Variants in ADAM2 observed in about 807,000 individuals in gnomAD.
ADAM2 encodes ADAM metallopeptidase domain 2.
A neutral mutation model predicts 99.3 loss-of-function variants in ADAM2; 101 were observed. The observed-to-expected ratio is 1.02, with a 90% CI of 0.87 to 1.20. The LOEUF (loss-of-function observed/expected upper bound fraction) is 1.20. Ranked by LOEUF, ADAM2 falls within the 50% of genes most tolerant of loss-of-function variation. The probability of loss-of-function intolerance (pLI) is 0.00; values close to 1 mark genes in which losing one functional copy is unlikely to be tolerated. For synonymous variants in ADAM2, 323 were observed against 287.6 expected, an observed-to-expected ratio of 1.12 and a Z score of -1.25; for missense variants, 948 against 878.7, an observed-to-expected ratio of 1.08 and a Z score of -1.00.
intron 7 of ADAM2, among the ~76,000 whole-genome samples, chr8:39,800,475 A>G (rs927393499): frequency 3.3e-5 from 5 of 151,902 alleles, no homozygotes; most frequent in African/African-American, 1.2e-4. Context: ...CTTCATTTCA[A>G]CCTTGGAGAA....
intron 6 of ADAM2, among the ~76,000 whole-genome samples, chr8:39,817,472 G>T (rs1334385141): frequency 6.6e-6 from 1 of 152,058 alleles, no homozygotes; most frequent in Non-Finnish European, 1.5e-5. Flanking sequence ...TTTTCAAGTA[G>T]CTTAAAGAGG....
chr8:39,775,574 C>G (rs1802954705), intron 11 of ADAM2, among the ~76,000 whole-genome samples: 1 of 152,058 alleles, frequency 6.6e-6, no homozygotes, highest in Non-Finnish European at 1.5e-5. Flanking sequence ...TAATAGGACT[C>G]TATATGAAAC....
Position 39,837,166 on chromosome 8 carries a change from C to T in ADAM2, c.102G>A (p.Arg34=), listed in dbSNP as rs1805860873. The change falls in exon 2 of 21, where the codon CGG becomes CGA. Residue 34 remains arginine, a synonymous_variant. Transcript: ENST00000265708. ...ATTCAATTCCTTCCTTTATTATTGA[C>T]CGTATTTTCTCCGGAACTGTAATTT... ...PVQITVPEKI[R]SIIKEGIESQ... The T allele has an allele frequency of 1.2e-6, 2 of 1,608,800 alleles. No homozygotes were observed. The highest frequency in any genetic ancestry group is 8.5e-7 in the Non-Finnish European group (1 of 1,176,666).
At chr8:39,815,219 A>G (rs536915517) in intron 6 of ADAM2, among the ~76,000 whole-genome samples, 110 of 152,248 alleles carry the variant, frequency 7.2e-4, no homozygotes, top group Non-Finnish European at 1.3e-3. Flanking sequence ...TATATAATAG[A>G]TTCTATTTTA....
chr8:39,800,843 G>T (rs899375758), intron 7 of ADAM2, among the ~76,000 whole-genome samples: 3 of 152,014 alleles, frequency 2.0e-5, no homozygotes, highest in African/African-American at 7.2e-5. Context: ...TATGCTTCAC[G>T]AAGTTCTCGT....
At position 39,821,092 on chromosome 8, in the gene ADAM2, G is replaced by T. The variant is rs917035776; in HGVS notation, c.423C>A (p.Tyr141Ter). Residue 141 changes from tyrosine (Y) to a stop codon, truncating the protein, a stop_gained, in exon 6 of 21, where the codon TAC (tyrosine) becomes TAA (stop). Coordinates refer to ENST00000265708, the MANE Select transcript of ADAM2 (RefSeq NM_001464.5). LOFTEE classifies it high-confidence loss of function. ...ESSVGFEHVI[Y>*]QVKHKKADVS... ...CATCTGCTTTCTTATGTTTTACTTG[G>T]TAAATTACATGTTCAAAGCCAACTG... is the stretch of plus-strand genomic sequence containing the variant. 3.7e-6 allele frequency: 6 copies of T among 1,609,166 alleles called. No homozygotes were observed. The East Asian group carries it at 6.7e-5, about 18-fold the overall frequency.
chr8:39,766,912 T>C lies in ADAM2; in HGVS notation c.1443A>G (p.Gln481=), dbSNP rs752080934. 8.1e-6 allele frequency: 13 copies of C among 1,614,182 alleles called. No individual in the cohort carries two copies. Among genetic ancestry groups the C allele is most frequent in the Middle Eastern group, 1.6e-4 (1 of 6,062 alleles). ...TACAAACTCCATCTATACAGATCCA[T>C]TGATTCAGTCCACACGGATGCCCAG... ...VQTGHPCGLN[Q]WICIDGVCMS... is the part of the protein sequence containing the mutation. The change falls in exon 14 of 21, where the codon CAA becomes CAG. Residue 481 remains glutamine, a synonymous_variant. Transcript: ENST00000265708.
At chr8:39,761,657 A>C (rs1802374693) in intron 14 of ADAM2, among the ~76,000 whole-genome samples, 1 of 152,242 alleles carries the variant, frequency 6.6e-6, no homozygotes, top group Non-Finnish European at 1.5e-5. Flanking sequence ...CAAGTCAAAC[A>C]ACTAACCAAT....
intron 10 of ADAM2, among the ~76,000 whole-genome samples, chr8:39,784,364 C>T (rs1262785289): frequency 6.6e-6 from 1 of 151,994 alleles, no homozygotes; most frequent in Non-Finnish European, 1.5e-5. Flanking sequence ...TGGAAGCTAG[C>T]GTGCCTCTAA....
chr8:39,823,904 C>T (rs1037166060), intron 4 of ADAM2, among the ~76,000 whole-genome samples: 3 of 152,118 alleles, frequency 2.0e-5, no homozygotes, highest in African/African-American at 7.2e-5. Flanking sequence ...ACTTTCAAAA[C>T]ACTTGATTGA....
At chr8:39,806,325 T>C (rs965671500) in intron 7 of ADAM2, among the ~76,000 whole-genome samples, 23 of 151,920 alleles carry the variant, frequency 1.5e-4, no homozygotes, top group Non-Finnish European at 2.8e-4. Flanking sequence ...TCTTCAGAAT[T>C]GCTCCAGCAA....
chr8:39,797,242 G>A (rs1052950689), intron 7 of ADAM2, among the ~76,000 whole-genome samples: 2 of 152,136 alleles, frequency 1.3e-5, no homozygotes, highest in African/African-American at 2.4e-5. Context: ...GTAAGGAAGG[G>A]GTCCAGTTTC....
At chr8:39,783,805 A>T (rs1360610595) in intron 10 of ADAM2, among the ~76,000 whole-genome samples, 1 of 152,076 alleles carries the variant, frequency 6.6e-6, no homozygotes, top group Non-Finnish European at 1.5e-5. Flanking sequence ...ACAAACAATT[A>T]GCCAGGCATG....
In ADAM2 at chr8:39,744,997, A is replaced by G; in HGVS notation, c.2175-104T>C. The G allele has an allele frequency of 3.5e-6, 3 of 849,900 alleles. No homozygotes were observed. In the South Asian group the frequency reaches 5.4e-5, roughly 15 times the overall value. The allele number at this position is 849,900 out of a possible 1,614,324, so 52.6% of individuals were successfully genotyped here. A position where few individuals can be genotyped will look rare whatever the true frequency, so the allele number is the denominator to read the frequency against. ...AAACAGTTCTGAATTTTTACCTAAGAACTGGGTTCACCCATTATTTGAGAA... is the reference window on the plus strand; with the variant it reads ...AAACAGTTCTGAATTTTTACCTAAGGACTGGGTTCACCCATTATTTGAGAA... On this transcript the variant is annotated intron_variant, in intron 19 of 20. Transcript: ENST00000265708.
chr8:39,820,632 G>T (rs905996572), intron 6 of ADAM2, among the ~76,000 whole-genome samples: 1 of 152,042 alleles, frequency 6.6e-6, no homozygotes, highest in Non-Finnish European at 1.5e-5. Flanking sequence ...ACAAGATAGG[G>T]GTGACTCTCC....
chr8:39,799,371 G>A (rs1393698979), intron 7 of ADAM2, among the ~76,000 whole-genome samples: 1 of 152,070 alleles, frequency 6.6e-6, no homozygotes, highest in East Asian at 1.9e-4. Context: ...TTAATCCTGG[G>A]TTCTAATTTG....
At chr8:39,755,942 AT>A in intron 15 of ADAM2, 31 bp from the exon 16 acceptor site, 1 of 1,208,906 alleles carries the variant, frequency 8.3e-7, no homozygotes, top group Non-Finnish European at 1.2e-6. Context: ...AAAATTATTA[AT>A]TTTAATTTAG....
chr8:39,801,694 C>T (rs529028393), intron 7 of ADAM2, among the ~76,000 whole-genome samples: 1 of 151,794 alleles, frequency 6.6e-6, no homozygotes, highest in Admixed American at 6.6e-5. Flanking sequence ...CATCCGGGTT[C>T]TGTCCCTGAG....
intron 15 of ADAM2, among the ~76,000 whole-genome samples, chr8:39,759,270 A>T (rs1278462127): frequency 2.6e-5 from 4 of 152,134 alleles, no homozygotes. Flanking sequence ...AAAATGTATC[A>T]CTTACACATA....
Sources: allele counts gnomAD v4.1 joint callset (sites outside exome capture counted in the v4.1 genomes callset), GRCh38; gene constraint gnomAD v4.1.1; transcripts MANE v1.5; gene names NCBI Gene and HGNC (gene_info 2026-07-23, HGNC 2026-07-21).